The following OSCP1 variants were observed in gnomAD, a reference collection of about 807,000 sequenced individuals.
The protein encoded by OSCP1 is protein OSCP1.
A neutral mutation model predicts 45.1 loss-of-function variants in OSCP1; 35 were observed. The observed-to-expected ratio is 0.78, with a 90% confidence interval of 0.59 to 1.03. The LOEUF (loss-of-function observed/expected upper bound fraction) is 1.03. Ranked by LOEUF, OSCP1 falls within the 50% of genes least tolerant of loss-of-function variation. The probability of loss-of-function intolerance (pLI) is 0.00; values close to 1 mark genes in which losing one functional copy is unlikely to be tolerated. For missense variants in OSCP1, 400 were observed against 470.7 expected (o/e 0.85, Z 1.39); for synonymous variants, 179 against 180.1 (o/e 0.99, Z 0.05).
chr1:36,426,047 A>G (rs1484787159), intron 4 of OSCP1, among the ~76,000 whole-genome samples: 1 of 152,182 alleles, frequency 6.6e-6, no homozygotes, highest in South Asian at 2.1e-4. Flanking sequence ...TCAGGGGAAC[A>G]TGTAAACTGG....
chr1:36,436,102 CTA>C (rs1021191973), intron 2 of OSCP1, among the ~76,000 whole-genome samples: 10 of 138,382 alleles, frequency 7.2e-5, no homozygotes, highest in Non-Finnish European at 1.1e-4. Flanking sequence ...CTCTCTCTCT[CTA>C]TTTTTTTTTT....
intron 2 of OSCP1, among the ~76,000 whole-genome samples, chr1:36,436,279 T>G (rs1349335546): frequency 6.6e-6 from 1 of 151,466 alleles, no homozygotes; most frequent in East Asian, 1.9e-4. Context: ...AATTTTTTTT[T>G]TTTTGTATTT....
chr1:36,443,377 A>G (rs1353195858), intron 1 of OSCP1, among the ~76,000 whole-genome samples: 2 of 152,230 alleles, frequency 1.3e-5, no homozygotes, highest in East Asian at 3.8e-4. Context: ...GTCAAATGAC[A>G]GAAGGTATCT....
At chr1:36,445,046 ATCTG>A (rs1349759142) in intron 1 of OSCP1, among the ~76,000 whole-genome samples, 4 of 152,170 alleles carry the variant, frequency 2.6e-5, no homozygotes, top group African/African-American at 9.7e-5. Context: ...TTCTATACAC[ATCTG>A]TATTTCAAAA....
Position 36,418,976 on chromosome 1 carries a change from A to G in OSCP1, c.1023+15T>C. 6.3e-7 allele frequency: 1 copy of G among 1,581,240 alleles called. No homozygotes were observed. The highest frequency in any genetic ancestry group is 8.7e-7 in the Non-Finnish European group (1 of 1,150,830). On this transcript the variant is annotated intron_variant, in intron 9 of 9. Transcript: ENST00000235532. ...AGCGAATACGATTGGACCCTGTGTTATCCCCTGTACGTACCTGGGTGGCTT... is the reference window on the plus strand; with the variant it reads ...AGCGAATACGATTGGACCCTGTGTTGTCCCCTGTACGTACCTGGGTGGCTT...
At chr1:36,420,256 G>T (rs1231657359) in intron 8 of OSCP1, 3 of 510,246 alleles carry the variant, frequency 5.9e-6, no homozygotes, top group Non-Finnish European at 9.7e-6. Context: ...GACTACGGGC[G>T]TGAGCCACTG....
chr1:36,449,162 G>A (rs747980757), intron 1 of OSCP1, among the ~76,000 whole-genome samples: 23 of 152,156 alleles, frequency 1.5e-4, no homozygotes, highest in Middle Eastern at 3.2e-3. Context: ...CATGTCAATT[G>A]CCTTTTCAAC....
In OSCP1 at chr1:36,438,886, A is replaced by G. The variant is rs1169595097; in HGVS notation, c.137T>C (p.Met46Thr). Reference sequence around the variant, plus strand: ...TTCCTCCATAAACTTTCTATTGAACATGGTGGAGATGATGTCATTCAGAAC... The same window carrying G: ...TTCCTCCATAAACTTTCTATTGAACGTGGTGGAGATGATGTCATTCAGAAC... ...RKVLNDIIST[M>T]FNRKFMEELF... The change falls in exon 2 of 10, where the codon ATG (methionine) becomes ACG (threonine). Residue 46 changes from methionine to threonine, a missense_variant. Coordinates refer to ENST00000235532, the MANE Select transcript of OSCP1 (RefSeq NM_145047.5). 1.9e-6 allele frequency: 3 copies of G among 1,614,142 alleles called. No homozygotes were observed. The highest frequency in any genetic ancestry group is 1.7e-5 in the Admixed American group (1 of 60,008).
At chr1:36,448,047 A>G (rs147503916) in intron 1 of OSCP1, among the ~76,000 whole-genome samples, 3 of 152,328 alleles carry the variant, frequency 2.0e-5, no homozygotes, top group African/African-American at 4.8e-5. Flanking sequence ...AAAGATACCT[A>G]TTACTCATTG....
intron 5 of OSCP1, 66 bp downstream of exon 5, chr1:36,423,297 G>A (rs1342999781): frequency 4.0e-5 from 50 of 1,264,938 alleles, no homozygotes; most frequent in Middle Eastern, 1.8e-4. Context: ...GCGGCATTCC[G>A]TGTGCGGCCC....
At chr1:36,450,160 T>G (rs1649811160) in intron 1 of OSCP1, 98 bp downstream of exon 1, 1 of 903,420 alleles carries the variant, frequency 1.1e-6, no homozygotes, top group Non-Finnish European at 1.8e-6. Flanking sequence ...AAGAGTGAAG[T>G]GTGTAGGGGT....
chr1:36,441,612 C>T (rs1325969964), intron 1 of OSCP1, among the ~76,000 whole-genome samples: 1 of 151,552 alleles, frequency 6.6e-6, no homozygotes, highest in African/African-American at 2.4e-5. Flanking sequence ...ATTAGCCGGG[C>T]GTGATGGCGG....
intron 4 of OSCP1, among the ~76,000 whole-genome samples, chr1:36,424,811 A>C (rs1051011444): frequency 2.0e-5 from 3 of 152,218 alleles, no homozygotes; most frequent in Admixed American, 2.0e-4. Context: ...TCTGTAAAAT[A>C]AGAGATGAGC....
At position 36,447,185 on chromosome 1, in the gene OSCP1, T is replaced by A. The variant is rs1158771434; in HGVS notation, c.112+3073A>T. Among the ~76,000 whole-genome samples, 1 of 152,198 alleles carries A rather than the reference T, an allele frequency of 6.6e-6. No homozygotes were observed. Among genetic ancestry groups the A allele is most frequent in the Non-Finnish European group, 1.5e-5 (1 of 68,038 alleles). On this transcript the variant is annotated intron_variant, in intron 1 of 9. Coordinates refer to ENST00000235532, the MANE Select transcript of OSCP1 (RefSeq NM_145047.5). The surrounding 1 kb of genome is among the most constrained non-coding windows in gnomAD (Gnocchi z 4.1). Reference sequence around the variant, plus strand: ...AGGGATCTGTTACAGGGGCTCTCGCTCCTGTGGCCACAACAACTTTAAATG... The same window carrying A: ...AGGGATCTGTTACAGGGGCTCTCGCACCTGTGGCCACAACAACTTTAAATG...
At chr1:36,421,732 C>T (rs2153337) in intron 7 of OSCP1, among the ~76,000 whole-genome samples, 1 of 152,028 alleles carries the variant, frequency 6.6e-6, no homozygotes, top group African/African-American at 2.4e-5. Context: ...GCGAAAACTT[C>T]TAAGGATGGA....
intron 2 of OSCP1, among the ~76,000 whole-genome samples, chr1:36,438,053 C>T (rs755951890): frequency 2.0e-5 from 3 of 151,970 alleles, no homozygotes; most frequent in Non-Finnish European, 2.9e-5. Context: ...CGCGGTGGCT[C>T]ATGCCAGTAA....
chr1:36,439,085 G>T, intron 1 of OSCP1, 175 bp from the exon 2 acceptor site: 3 of 539,536 alleles, frequency 5.6e-6, no homozygotes, highest in South Asian at 7.9e-5. Flanking sequence ...AGAAAGCAGG[G>T]CTCTGAGAGT....
chr1:36,434,749 C>CAAAA (rs71053933), intron 2 of OSCP1, among the ~76,000 whole-genome samples: 13 of 69,798 alleles, frequency 1.9e-4, no homozygotes, highest in African/African-American at 6.4e-4. Flanking sequence ...GACTTTGTCT[C>CAAAA]AAAAAAAAAA....
chr1:36,449,867 A>AAAAAAAAC (rs1649785160), intron 1 of OSCP1, among the ~76,000 whole-genome samples: 4 of 138,356 alleles, frequency 2.9e-5, no homozygotes, highest in Non-Finnish European at 4.7e-5. Context: ...AAAAAAAAAA[A>AAAAAAAAC]ATCAGAACCT....
Sources: allele counts gnomAD v4.1 joint callset (sites outside exome capture counted in the v4.1 genomes callset), GRCh38; gene constraint gnomAD v4.1.1; non-coding constraint Gnocchi (gnomAD v3.1); transcripts MANE v1.5; gene names NCBI Gene and HGNC (gene_info 2026-07-23, HGNC 2026-07-21).